Variants in NEK9 observed in about 807,000 individuals in gnomAD.
The protein encoded by NEK9 is serine/threonine-protein kinase Nek9.
In NEK9, 75 loss-of-function variants were observed where a neutral mutation model predicts 123.4. That is an observed-to-expected ratio of 0.61 (90% confidence interval 0.50 to 0.74). The LOEUF (loss-of-function observed/expected upper bound fraction) is 0.74. Among genes scored for constraint, NEK9 ranks in the 30% least tolerant of loss-of-function variants. The probability of loss-of-function intolerance (pLI) is 0.00; values close to 1 mark genes in which losing one functional copy is unlikely to be tolerated. For synonymous variants in NEK9, 438 were observed against 458.7 expected (o/e 0.95, Z 0.58); for missense variants, 952 against 1,214.4 (o/e 0.78, Z 3.21).
intron 16 of NEK9, among the ~76,000 whole-genome samples, chr14:75,099,002 G>T (rs112171687): frequency 7.9e-5 from 12 of 152,332 alleles, no homozygotes; most frequent in Admixed American, 3.9e-4. Flanking sequence ...CAAGCAGAGA[G>T]AGTTAATGTG....
chr14:75,119,523 T>C (rs570160622), intron 4 of NEK9, among the ~76,000 whole-genome samples: 1 of 152,188 alleles, frequency 6.6e-6, no homozygotes, highest in Non-Finnish European at 1.5e-5. Context: ...TTAGGAAAAG[T>C]TGAGACGGTC....
In NEK9 at chr14:75,117,343, C is replaced by T; in HGVS notation, c.631-17G>A. 4 of 1,588,428 alleles carry T rather than the reference C, an allele frequency of 2.5e-6. No individual in the cohort carries two copies. Among genetic ancestry groups the T allele is most frequent in the Non-Finnish European group, 3.4e-6 (4 of 1,172,652 alleles). On this transcript the variant is annotated splice_polypyrimidine_tract_variant and intron_variant, in intron 5 of 21. Transcript: ENST00000238616. ...TCCCACAAGCTGAGCAACAAAGAAA[C>T]AATCAAAGAATAACTTCTTTTCTGA...
chr14:75,124,144 A>G lies in NEK9; in HGVS notation c.299T>C (p.Ile100Thr). The G allele has an allele frequency of 1.2e-6, 2 of 1,614,038 alleles. No individual in the cohort carries two copies. Among genetic ancestry groups the G allele is most frequent in the South Asian group, 1.1e-5 (1 of 91,074 alleles). Reference sequence around the variant, plus strand: ...GTGCTGCAGCAGTGCCAGAATAACAATCTCATTCAAGGCATCACGACGTTC... The same window carrying G: ...GTGCTGCAGCAGTGCCAGAATAACAGTCTCATTCAAGGCATCACGACGTTC... ...EKERRDALNE[I>T]VILALLQHDN... Residue 100 changes from isoleucine to threonine, a missense_variant, in exon 2 of 22, where the codon ATT (isoleucine) becomes ACT (threonine). Transcript: ENST00000238616.
chr14:75,109,339 T>C (rs141306648), intron 10 of NEK9, among the ~76,000 whole-genome samples: 141 of 152,342 alleles, frequency 9.3e-4, no homozygotes, highest in Non-Finnish European at 1.6e-3. Context: ...TCACAGGTAA[T>C]AGTTGCTCTG....
chr14:75,093,896 AC>A (rs780218987), intron 18 of NEK9, among the ~76,000 whole-genome samples: 26 of 152,246 alleles, frequency 1.7e-4, no homozygotes, highest in Non-Finnish European at 3.2e-4. Flanking sequence ...ACAAATAGTT[AC>A]TGAGCATTTA....
Position 75,103,974 on chromosome 14 carries a change from A to C in NEK9, c.1599T>G (p.Ile533Met), listed in dbSNP as rs775745091. 3.1e-6 allele frequency: 5 copies of C among 1,613,516 alleles called. No homozygotes were observed. In the East Asian group the frequency reaches 1.1e-4, roughly 36 times the overall value. ...CACAGCCACATTGAACTGCAACAATAATCAAGGCCTTGGGAACATCCACCT... is the reference window on the plus strand; with the variant it reads ...CACAGCCACATTGAACTGCAACAATCATCAAGGCCTTGGGAACATCCACCT... The part of the protein sequence containing the change: ...PQKVDVPKAL[I>M]IVAVQCGCDG... Residue 533 changes from isoleucine to methionine, a missense_variant, in exon 14 of 22, where the codon ATT becomes ATG. Physicochemically the swap from Ile to Met is conservative, Grantham distance 10. Coordinates refer to ENST00000238616, the MANE Select transcript of NEK9 (RefSeq NM_033116.6).
Position 75,126,740 on chromosome 14 carries a change from C to A in NEK9, c.182G>T (p.Gly61Val). Reference sequence around the variant, plus strand: ...GTACAGCGTGGCTTCCCCGAAGGCGCCGCGGCCCAGGACGCGGATGGGGAT... The same window carrying A: ...GTACAGCGTGGCTTCCCCGAAGGCGACGCGGCCCAGGACGCGGATGGGGAT... The part of the protein sequence containing the change: ...HYIPIRVLGR[G>V]AFGEATLYRR... The change falls in exon 1 of 22, where the codon GGC (glycine) becomes GTC (valine). Residue 61 changes from glycine to valine, a missense_variant. Around this residue, in one of 4 missense-constraint regions of NEK9, gnomAD observed 120 missense variants for 97.6 expected, o/e 1.23. Coordinates refer to ENST00000238616, the MANE Select transcript of NEK9 (RefSeq NM_033116.6). The A allele has an allele frequency of 6.7e-7, 1 of 1,491,848 alleles. No homozygotes were observed. Among genetic ancestry groups the A allele is most frequent in the South Asian group, 1.3e-5 (1 of 78,246 alleles). The allele number at this position is 1,491,848 out of a possible 1,614,324, so 92.4% of individuals were successfully genotyped here. A position where few individuals can be genotyped will look rare whatever the true frequency, so the allele number is the denominator to read the frequency against.
Position 75,109,653 on chromosome 14 carries a change from G to C in NEK9, c.1182+32C>G, listed in dbSNP as rs767535335. 21 of 1,591,926 alleles carry C rather than the reference G, an allele frequency of 1.3e-5. 1 individual carries two copies. The South Asian group carries it at 2.1e-4, about 16-fold the overall frequency. On this transcript the variant is annotated intron_variant, in intron 10 of 21. Transcript: ENST00000238616. ...GGCCCAGTAAACAATTAGGCTTACA[G>C]CACTGTTCCAAAATGCTTAGCGTTC...
In NEK9 at chr14:75,091,334, C is replaced by A; in HGVS notation, c.2378G>T (p.Ser793Ile). 1.9e-6 allele frequency: 3 copies of A among 1,614,030 alleles called. No homozygotes were observed. The highest frequency in any genetic ancestry group is 2.5e-6 in the Non-Finnish European group (3 of 1,179,986). The part of the protein sequence containing the change: ...EADRGMEGLI[S>I]PTEAMGNSNG... Reference sequence around the variant, plus strand: ...ACTGTTCCCCATGGCCTCTGTGGGACTGATTAAACCTTCCATTCCTCGGTC... The same window carrying A: ...ACTGTTCCCCATGGCCTCTGTGGGAATGATTAAACCTTCCATTCCTCGGTC... The change falls in exon 19 of 22, where the codon AGT becomes ATT. Residue 793 changes from serine (S) to isoleucine (I), a missense_variant. Physicochemically the swap from Ser to Ile is moderately radical, Grantham distance 142. Transcript: ENST00000238616.
chr14:75,099,414 C>G (rs967910455), intron 16 of NEK9, among the ~76,000 whole-genome samples: 1 of 151,484 alleles, frequency 6.6e-6, no homozygotes, highest in African/African-American at 2.4e-5. Context: ...GATGATGACA[C>G]AGGAAAAAGA....
In NEK9 at chr14:75,109,732, T is replaced by C; in HGVS notation, c.1135A>G (p.Thr379Ala). 6.2e-7 allele frequency: 1 copy of C among 1,613,978 alleles called. No homozygotes were observed. The highest frequency in any genetic ancestry group is 1.3e-5 in the African/African-American group (1 of 74,988). The change falls in exon 10 of 22, where the codon ACC becomes GCC. Residue 379 changes from threonine to alanine, a missense_variant. Physicochemically the swap from Thr to Ala is moderately conservative, Grantham distance 58 (BLOSUM62 0). Around this residue, in one of 4 missense-constraint regions of NEK9, gnomAD observed 698 missense variants for 875.6 expected, o/e 0.80. Transcript: ENST00000238616. ...TCCACTGTGACCACAGCAAAGTGGGTATTCCCTGCACAGACCTGCCGGGCA... is the reference window on the plus strand; with the variant it reads ...TCCACTGTGACCACAGCAAAGTGGGCATTCCCTGCACAGACCTGCCGGGCA... ...CSARQVCAGN[T>A]HFAVVTVEKE...
chr14:75,092,355 C>G (rs1894247651), intron 18 of NEK9, among the ~76,000 whole-genome samples: 1 of 152,010 alleles, frequency 6.6e-6, no homozygotes, highest in Non-Finnish European at 1.5e-5. Flanking sequence ...CAACCTCCGC[C>G]TCCTGGCTTC....
intron 1 of NEK9, among the ~76,000 whole-genome samples, chr14:75,126,183 A>C (rs1895517749): frequency 6.6e-6 from 1 of 152,220 alleles, no homozygotes; most frequent in Non-Finnish European, 1.5e-5. Context: ...AGCTTCAAGA[A>C]AAGCTTCCAA....
In NEK9 at chr14:75,124,112, T is replaced by C. The variant is rs369559713; in HGVS notation, c.331A>G (p.Ile111Val). ...VILALLQHDN[I>V]IAYYNHFMDN... The stretch of plus-strand genomic sequence containing the variant: ...ATGAAGTGATTGTAGTAGGCAATAA[T>C]GTTGTCGTGCTGCAGCAGTGCCAGA... The change falls in exon 2 of 22, where the codon ATT (isoleucine) becomes GTT (valine). Residue 111 changes from isoleucine to valine, a missense_variant. Physicochemically the swap from Ile to Val is conservative, Grantham distance 29. Transcript: ENST00000238616. 1.1e-5 allele frequency: 18 copies of C among 1,614,016 alleles called. No homozygotes were observed. The highest frequency in any genetic ancestry group is 1.7e-5 in the Admixed American group (1 of 60,014).
At chr14:75,122,489 CT>C (rs1350413161) in intron 2 of NEK9, among the ~76,000 whole-genome samples, 1 of 152,032 alleles carries the variant, frequency 6.6e-6, no homozygotes, top group Non-Finnish European at 1.5e-5. Context: ...TACAACAATC[CT>C]AGAAAGTAGG....
rs138826485 is a variant in NEK9 at position 75,089,598 on chromosome 14, C to T, written c.2443-957G>A. ...TCGCCCAGGCTGGACTGCAGTGGTG[C>T]GATCTCGGCTCACTGCAACCTTCGC... On this transcript the variant is annotated intron_variant, in intron 19 of 21. Coordinates refer to ENST00000238616, the MANE Select transcript of NEK9 (RefSeq NM_033116.6). Among the ~76,000 whole-genome samples, 64 of 152,116 alleles carry T rather than the reference C, an allele frequency of 4.2e-4. No homozygotes were observed. The East Asian group carries it at 6.8e-3, about 16-fold the overall frequency.
At chr14:75,118,097 C>T (rs1293337533) in intron 5 of NEK9, among the ~76,000 whole-genome samples, 2 of 152,142 alleles carry the variant, frequency 1.3e-5, no homozygotes, top group African/African-American at 4.8e-5. Flanking sequence ...GATATGATTG[C>T]TTCTTCAGAA....
intron 1 of NEK9, 47 bp from the exon 2 acceptor site, chr14:75,124,270 C>G (rs1189733580): frequency 6.4e-7 from 1 of 1,554,702 alleles, no homozygotes; most frequent in Admixed American, 1.7e-5. Context: ...TGCCTGGCAG[C>G]AAATGAATCC....
Position 75,100,890 on chromosome 14 carries a change from C to T in NEK9, c.2002+102G>A. 4.2e-6 allele frequency: 5 copies of T among 1,193,348 alleles called. No homozygotes were observed. The East Asian group carries it at 1.2e-4, about 29-fold the overall frequency. The allele number at this position is 1,193,348 out of a possible 1,614,324, so 73.9% of individuals were successfully genotyped here. A position where few individuals can be genotyped will look rare whatever the true frequency, so the allele number is the denominator to read the frequency against. The stretch of plus-strand genomic sequence containing the variant: ...ATTTAATACAAATAAAAAAGTACAT[C>T]CACAATTCAGCTATACAAATAACTA... On this transcript the variant is annotated intron_variant, in intron 16 of 21. Transcript: ENST00000238616.
Sources: allele counts gnomAD v4.1 joint callset (sites outside exome capture counted in the v4.1 genomes callset), GRCh38; gene constraint gnomAD v4.1.1; regional missense constraint gnomAD v4.1.1; transcripts MANE v1.5; gene names NCBI Gene and HGNC (gene_info 2026-07-23, HGNC 2026-07-21).